Variants in UBR3 observed in about 807,000 individuals in gnomAD.
UBR3 encodes the protein E3 ubiquitin-protein ligase UBR3.
A neutral mutation model predicts 243.2 loss-of-function variants in UBR3; 85 were observed. The observed-to-expected ratio is 0.35, with a 90% CI of 0.29 to 0.42. The LOEUF is 0.42. UBR3 is among the 10% of genes least tolerant of loss of function. UBR3 has a pLI of 1.00. For synonymous variants in UBR3, 748 were observed against 799.8 expected (o/e 0.94, Z 1.09); for missense variants, 1,686 against 2,300.8 (o/e 0.73, Z 5.47).
At chr2:170,080,338 T>C in intron 37 of UBR3, 1 of 631,604 alleles carries the variant, frequency 1.6e-6, no homozygotes, top group Non-Finnish European at 2.6e-6. Context: ...TTAGGTTGGC[T>C]CTTAATTGCT....
At chr2:169,898,353 A>G (rs62170316) in intron 8 of UBR3, among the ~76,000 whole-genome samples, 9,930 of 152,300 alleles carry the variant, frequency 0.065, 341 homozygotes, top group Non-Finnish European at 0.084. Flanking sequence ...TATAATAGCT[A>G]GCTAATTATG....
chr2:169,956,205 TC>T (rs1415372494), intron 23 of UBR3, among the ~76,000 whole-genome samples: 4 of 7,178 alleles, frequency 5.6e-4, no homozygotes, highest in East Asian at 0.028. Flanking sequence ...CACCTATAAC[TC>T]TCTCTCTCTC....
intron 24 of UBR3, among the ~76,000 whole-genome samples, chr2:169,961,600 A>T (rs1026763992): frequency 3.9e-5 from 6 of 152,168 alleles, no homozygotes; most frequent in Non-Finnish European, 5.9e-5. Context: ...TTCCAGGTTG[A>T]TAAACATTTT....
chr2:170,057,104 A>T (rs567251027), intron 33 of UBR3, among the ~76,000 whole-genome samples: 1 of 142,526 alleles, frequency 7.0e-6, no homozygotes, highest in Non-Finnish European at 1.5e-5. Flanking sequence ...TTTTGTAATT[A>T]TCTTTAGTTT....
chr2:169,836,673 A>G (rs75431433), intron 1 of UBR3, among the ~76,000 whole-genome samples: 151 of 151,834 alleles, frequency 9.9e-4, no homozygotes, highest in African/African-American at 3.4e-3. Flanking sequence ...GGTGTTATAT[A>G]TATAAATTTA....
intron 35 of UBR3, 150 bp from the exon 36 acceptor site, chr2:170,073,276 CTT>C (rs1199218062): frequency 1.5e-5 from 11 of 758,554 alleles, no homozygotes; most frequent in African/African-American, 3.6e-5. Flanking sequence ...CTTTTTCTCT[CTT>C]GTTTCTCTTA....
At chr2:169,947,495 G>A in intron 21 of UBR3, 47 bp from the exon 22 acceptor site, 1 of 1,352,888 alleles carries the variant, frequency 7.4e-7, no homozygotes, top group South Asian at 2.1e-5. Context: ...ATTGTACCTT[G>A]GACGTGATGT....
intron 37 of UBR3, 55 bp downstream of exon 37, chr2:170,080,078 A>G: frequency 1.3e-6 from 2 of 1,498,992 alleles, no homozygotes; most frequent in Non-Finnish European, 1.8e-6. Context: ...CATATCACAA[A>G]ATATGGTCAA....
chr2:169,974,111 C>T (rs2088307526), intron 24 of UBR3, among the ~76,000 whole-genome samples: 1 of 152,124 alleles, frequency 6.6e-6, no homozygotes, highest in Non-Finnish European at 1.5e-5. Flanking sequence ...CATCTGTGTT[C>T]ATCAGGGATA....
At chr2:169,885,831 T>TA (rs951874108) in intron 5 of UBR3, among the ~76,000 whole-genome samples, 6 of 151,938 alleles carry the variant, frequency 3.9e-5, no homozygotes, top group Admixed American at 6.6e-5. Context: ...ACAGTTGAAA[T>TA]AAAAAATCAG....
chr2:169,854,423 G>A (rs1171541815), intron 1 of UBR3, among the ~76,000 whole-genome samples: 2 of 152,088 alleles, frequency 1.3e-5, no homozygotes, highest in Non-Finnish European at 1.5e-5. Flanking sequence ...AGAGGTTTAG[G>A]TTTTTGTAAA....
At chr2:169,903,974 G>A (rs1033946363) in intron 8 of UBR3, among the ~76,000 whole-genome samples, 1 of 152,108 alleles carries the variant, frequency 6.6e-6, no homozygotes, top group Non-Finnish European at 1.5e-5. Context: ...TTCCTTGACT[G>A]GAGTTCTCGC....
intron 17 of UBR3, among the ~76,000 whole-genome samples, chr2:169,927,787 A>G (rs1574221071): frequency 6.6e-6 from 1 of 152,326 alleles, no homozygotes; most frequent in Non-Finnish European, 1.5e-5. Flanking sequence ...GGTATACCTT[A>G]CGATTATTAT....
At chr2:170,012,354 A>G (rs1339466591) in intron 29 of UBR3, among the ~76,000 whole-genome samples, 1 of 151,854 alleles carries the variant, frequency 6.6e-6, no homozygotes, top group Non-Finnish European at 1.5e-5. Flanking sequence ...GTCAGTTCCC[A>G]TTTTTTTTCT....
intron 24 of UBR3, among the ~76,000 whole-genome samples, chr2:169,982,052 C>G (rs1319874957): frequency 1.3e-5 from 2 of 152,010 alleles, no homozygotes; most frequent in African/African-American, 2.4e-5. Flanking sequence ...AACTCACCTG[C>G]TAGGTTAGTA....
At chr2:170,043,481 T>G (rs928962018) in intron 32 of UBR3, among the ~76,000 whole-genome samples, 1 of 152,172 alleles carries the variant, frequency 6.6e-6, no homozygotes, top group Non-Finnish European at 1.5e-5. Flanking sequence ...AAAATTGATC[T>G]TAGTAATGGT....
chr2:170,015,492 T>TAG, intron 30 of UBR3, 126 bp downstream of exon 30: 1 of 617,734 alleles, frequency 1.6e-6, no homozygotes, highest in South Asian at 2.4e-5. Flanking sequence ...GATAGTGATA[T>TAG]ATACTTTAAA....
chr2:169,939,199 C>T, intron 19 of UBR3, among the ~76,000 whole-genome samples: 1 of 151,214 alleles, frequency 6.6e-6, no homozygotes, highest in East Asian at 1.9e-4. Flanking sequence ...TTTTGATTGT[C>T]TCTCTCCTCC....
intron 31 of UBR3, among the ~76,000 whole-genome samples, chr2:170,031,085 C>T (rs1449555209): frequency 1.3e-5 from 2 of 151,960 alleles, no homozygotes; most frequent in South Asian, 2.1e-4. Flanking sequence ...TGTGAGCCAC[C>T]GTGCCTAGCC....
Sources: allele counts gnomAD v4.1 joint callset (sites outside exome capture counted in the v4.1 genomes callset), GRCh38; gene constraint gnomAD v4.1.1; transcripts MANE v1.5; gene names NCBI Gene and HGNC (gene_info 2026-07-23, HGNC 2026-07-21).